IRAG2: variants seen among roughly 807,000 people sequenced by gnomAD.
IRAG2 encodes inositol 1,4,5-triphosphate receptor associated 2, also known as lymphoid restricted membrane protein.
IRAG2 carries 45 observed loss-of-function variants against 69.9 expected under a neutral mutation model. That is an observed-to-expected ratio of 0.64 (90% CI 0.51 to 0.83). The LOEUF (loss-of-function observed/expected upper bound fraction) is 0.83, where lower values mean the gene tolerates loss of function less well. Among genes scored for constraint, IRAG2 ranks in the 40% least tolerant of loss-of-function variants. The probability of loss-of-function intolerance (pLI) is 0.00; values close to 1 mark genes in which losing one functional copy is unlikely to be tolerated. For synonymous variants in IRAG2, 193 were observed against 202.4 expected (o/e 0.95, Z 0.40); for missense variants, 520 against 587.0 (o/e 0.89, Z 1.18).
chr12:25,005,155 T>G (rs1410827877), intron 1 of IRAG2: 2 of 649,580 alleles, frequency 3.1e-6, no homozygotes, highest in African/African-American at 3.8e-5. Context: ...ATGATAGGTT[T>G]TCTTTGTTAA....
rs1047250586 is a variant in IRAG2 at position 25,104,428 on chromosome 12, T to C, written c.1114T>C (p.Trp372Arg). ...ACCTCGATTTATTAGCACCTATTCC[T>C]GGGCAGATGCTGAAGAAGAAAAATG... Reference protein sequence around the residue: ...SLPRFISTYSWADAEEEKCEL... With the variant: ...SLPRFISTYSRADAEEEKCEL... The change falls in exon 20 of 22, where the codon TGG becomes CGG. Residue 372 changes from tryptophan (W) to arginine (R), a missense_variant. Coordinates refer to ENST00000556887, the MANE Select transcript of IRAG2 (RefSeq NM_001366544.2). 4.3e-6 allele frequency: 7 copies of C among 1,613,056 alleles called. No homozygotes were observed. Among genetic ancestry groups the C allele is most frequent in the Non-Finnish European group, 5.9e-6 (7 of 1,179,070 alleles).
intron 1 of IRAG2, among the ~76,000 whole-genome samples, chr12:25,053,975 T>G (rs1367480885): frequency 6.6e-6 from 1 of 152,110 alleles, no homozygotes; most frequent in Non-Finnish European, 1.5e-5. Flanking sequence ...CTCACCCCTG[T>G]AATCCCAGCA....
rs892614128 is a variant in IRAG2, at chr12:25,076,523, G to A, written c.25-2721G>A. The A allele has an allele frequency of 1.3e-5, 13 of 984,878 alleles. No individual in the cohort carries two copies. The African/African-American group carries it at 2.3e-4, about 17-fold the overall frequency. The allele number at this position is 984,878 out of a possible 1,614,324, so 61.0% of individuals were successfully genotyped here. On this transcript the variant is annotated intron_variant, in intron 6 of 21. Coordinates refer to ENST00000556887, the MANE Select transcript of IRAG2 (RefSeq NM_001366544.2). ...ACTAATTAGACCTTTTTTTGAAAAG[G>A]TTTGCAGAAATGATGTACTCTCTTT... is the stretch of plus-strand genomic sequence containing the variant.
At chr12:25,027,213 C>T (rs1019496623) in intron 9 of IRAG2, among the ~76,000 whole-genome samples, 28 of 152,044 alleles carry the variant, frequency 1.8e-4, no homozygotes, top group East Asian at 9.6e-4. Context: ...CCCCACCCAC[C>T]GTCCTCTCCC....
chr12:25,072,585 G>A (rs11047810), intron 6 of IRAG2, among the ~76,000 whole-genome samples: 16,089 of 152,172 alleles, frequency 0.11, 1,156 homozygotes, highest in Admixed American at 0.17. Context: ...CAGGGAATTA[G>A]AGTAAAATAT....
intron 21 of IRAG2, 57 bp downstream of exon 21, chr12:25,107,107 A>C: frequency 1.1e-6 from 1 of 905,798 alleles, no homozygotes; most frequent in Non-Finnish European, 1.7e-6. Context: ...AGGGTGAGGC[A>C]GGGCTGACAG....
chr12:25,104,142 T>C (rs1948903318), intron 19 of IRAG2, 84 bp downstream of exon 19: 2 of 1,127,220 alleles, frequency 1.8e-6, no homozygotes, highest in South Asian at 1.4e-5. Flanking sequence ...AATTAAGTGA[T>C]ATAGTAATGT....
intron 14 of IRAG2, 63 bp from the exon 15 acceptor site, chr12:25,096,847 G>C: frequency 7.3e-7 from 1 of 1,366,650 alleles, no homozygotes; most frequent in South Asian, 1.4e-5. Flanking sequence ...AACTTAGTCA[G>C]TGTTAGAATC....
intron 6 of IRAG2, among the ~76,000 whole-genome samples, chr12:25,018,009 C>A (rs1023566452): frequency 1.6e-4 from 25 of 152,016 alleles, no homozygotes. Flanking sequence ...CATGTTGTAG[C>A]GTGTATTTCT....
At chr12:25,101,087 G>A in intron 15 of IRAG2, 91 bp from the exon 16 acceptor site, 1 of 1,111,894 alleles carries the variant, frequency 9.0e-7, no homozygotes, top group Non-Finnish European at 1.3e-6. Context: ...GTGGGATTTA[G>A]GAATGGAGTG....
intron 10 of IRAG2, 121 bp from the exon 11 acceptor site, chr12:25,087,979 G>T: frequency 1.5e-6 from 1 of 674,716 alleles, no homozygotes; most frequent in Non-Finnish European, 2.6e-6. Flanking sequence ...CAAAAAGGTT[G>T]GGGACTGCTG....
chr12:25,076,491 T>C (rs1946697598), intron 6 of IRAG2: 11 of 984,572 alleles, frequency 1.1e-5, no homozygotes, highest in Non-Finnish European at 1.3e-5. Context: ...TTACTTTGGC[T>C]TTAAATACTA....
intron 14 of IRAG2, among the ~76,000 whole-genome samples, chr12:25,090,420 C>T (rs1947960117): frequency 6.6e-6 from 1 of 151,284 alleles, no homozygotes; most frequent in South Asian, 2.1e-4. Flanking sequence ...TGATGTGTGC[C>T]TGTAGTCCCA....
chr12:25,022,363 A>G (rs1169851401), intron 7 of IRAG2, among the ~76,000 whole-genome samples: 1 of 152,102 alleles, frequency 6.6e-6, no homozygotes, highest in Non-Finnish European at 1.5e-5. Context: ...GCGTGGTGAC[A>G]CACACTTGTA....
rs148408408 is a variant in IRAG2 at position 25,011,500 on chromosome 12, A to C, written c.845A>C (p.Glu282Ala). 2.5e-5 allele frequency: 31 copies of C among 1,231,706 alleles called. No homozygotes were observed. In the African/African-American group the frequency reaches 3.7e-4, roughly 15 times the overall value. The allele number at this position is 1,231,706 out of a possible 1,614,324, so 76.3% of individuals were successfully genotyped here. A position where few individuals can be genotyped will look rare whatever the true frequency, so the allele number is the denominator to read the frequency against. The change falls in exon 3 of 39, where the codon GAA becomes GCA. Residue 282 changes from glutamate (E) to alanine (A), a missense_variant. Coordinates refer to the IRAG2 transcript ENST00000636465. ...AAGAGAGACCCACATGTGGACCTGG[A>C]AACTTTCCAGGCCATGATGAAAGAC...
chr12:25,100,165 G>A (rs1407357660), intron 15 of IRAG2, among the ~76,000 whole-genome samples: 2 of 151,780 alleles, frequency 1.3e-5, no homozygotes, highest in African/African-American at 2.4e-5. Context: ...TCACACCCAC[G>A]AGGATGGCTA....
chr12:25,056,906 ACT>A (rs1945290186), intron 1 of IRAG2, among the ~76,000 whole-genome samples: 2 of 151,978 alleles, frequency 1.3e-5, no homozygotes, highest in Non-Finnish European at 2.9e-5. Context: ...CCCCAGAGTC[ACT>A]CTGGGTTCTA....
intron 10 of IRAG2, among the ~76,000 whole-genome samples, chr12:25,087,679 A>T (rs1242817948): frequency 6.6e-6 from 1 of 152,014 alleles, no homozygotes; most frequent in Admixed American, 6.6e-5. Flanking sequence ...GTCGCTGCTG[A>T]GCCAGGGATC....
intron 9 of IRAG2, among the ~76,000 whole-genome samples, chr12:25,027,017 G>A (rs1407038230): frequency 7.7e-6 from 1 of 129,626 alleles, no homozygotes; most frequent in Non-Finnish European, 1.7e-5. Context: ...ATAAAAGCTA[G>A]TTTCCTTTTC....
Sources: allele counts gnomAD v4.1 joint callset (sites outside exome capture counted in the v4.1 genomes callset), GRCh38; gene constraint gnomAD v4.1.1; transcripts MANE v1.5; gene names NCBI Gene and HGNC (gene_info 2026-07-23, HGNC 2026-07-21).